FOLH1: variants seen among roughly 807,000 people sequenced by gnomAD.
The protein encoded by FOLH1 is glutamate carboxypeptidase 2.
In FOLH1, 54 loss-of-function variants were observed where a neutral mutation model predicts 93.9. That is an observed-to-expected ratio of 0.57 (90% CI 0.46 to 0.72). The LOEUF (loss-of-function observed/expected upper bound fraction) is 0.72. Among genes scored for constraint, FOLH1 ranks in the 30% least tolerant of loss-of-function variants. The pLI, the probability that FOLH1 is intolerant of heterozygous loss-of-function variation, is 0.00. For synonymous variants in FOLH1, 249 were observed against 303.6 expected (o/e 0.82, Z 1.87); for missense variants, 571 against 892.5 (o/e 0.64, Z 4.59).
At chr11:49,185,980 C>T (rs983104665) in intron 5 of FOLH1, 125 bp from the exon 6 acceptor site, 26 of 1,231,616 alleles carry the variant, frequency 2.1e-5, no homozygotes, top group Non-Finnish European at 2.8e-5. Flanking sequence ...CTCATTAGGC[C>T]TACAACAAAG....
chr11:49,200,235 T>C lies in FOLH1; in HGVS notation c.411+20A>G. ...ATAAATGGGGGGAATGTTTCTTTTA[T>C]TTATTTATTTATTTTTTACCTCATT... On this transcript the variant is annotated intron_variant, in intron 3 of 18. Transcript: ENST00000256999. 1 of 1,476,788 alleles carries C rather than the reference T, an allele frequency of 6.8e-7. No homozygotes were observed. Among genetic ancestry groups the C allele is most frequent in the South Asian group, 1.4e-5 (1 of 74,056 alleles). The allele number at this position is 1,476,788 out of a possible 1,614,324, so 91.5% of individuals were successfully genotyped here. A position where few individuals can be genotyped will look rare whatever the true frequency, so the allele number is the denominator to read the frequency against.
At chr11:49,186,308 T>C (rs1236464741) in intron 5 of FOLH1, among the ~76,000 whole-genome samples, 2 of 152,226 alleles carry the variant, frequency 1.3e-5, no homozygotes, top group Non-Finnish European at 2.9e-5. Context: ...ACAATTTAAT[T>C]TAGTAAACAT....
intron 9 of FOLH1, 111 bp from the exon 10 acceptor site, chr11:49,173,587 A>G: frequency 8.4e-7 from 1 of 1,189,814 alleles, no homozygotes; most frequent in Non-Finnish European, 1.1e-6. Context: ...GAAAAAAAAA[A>G]AAGGCTAGGT....
intron 4 of FOLH1, among the ~76,000 whole-genome samples, chr11:49,187,958 T>C (rs1279980311): frequency 6.6e-6 from 1 of 152,198 alleles, no homozygotes; most frequent in Non-Finnish European, 1.5e-5. Context: ...AGGCTATCCT[T>C]CAGCTGGCAT....
chr11:49,181,140 C>A (rs1019212234), intron 7 of FOLH1, among the ~76,000 whole-genome samples: 3 of 146,580 alleles, frequency 2.0e-5, no homozygotes, highest in African/African-American at 7.6e-5. Context: ...CGGAGTCTCA[C>A]TCTGTCGCCC....
intron 18 of FOLH1, among the ~76,000 whole-genome samples, chr11:49,147,517 A>C (rs1245783724): frequency 1.3e-5 from 2 of 152,134 alleles, no homozygotes; most frequent in African/African-American, 2.4e-5. Context: ...TTGAAGAATC[A>C]TCAAAAACAA....
intron 4 of FOLH1, among the ~76,000 whole-genome samples, chr11:49,189,462 C>G (rs1205490281): frequency 6.6e-6 from 1 of 152,104 alleles, no homozygotes; most frequent in Non-Finnish European, 1.5e-5. Context: ...AGGCAGTGCC[C>G]TATGTAATAC....
chr11:49,208,391 C>A lies in FOLH1; in HGVS notation c.19G>T (p.Glu7Ter). ...GCGGTGGCCACAGCCGAGTCGGTTT[C>A]GTGAAGGAGATTCCACATCTCGGCG... MWNLLH[E>*]TDSAVATARR... Residue 7 changes from glutamate (E) to a stop codon, truncating the protein, a stop_gained, in exon 1 of 19, where the codon GAA (glutamate) becomes TAA (stop). Coordinates refer to ENST00000256999, the MANE Select transcript of FOLH1 (RefSeq NM_004476.3). LOFTEE classifies it high-confidence loss of function. 6.2e-7 allele frequency: 1 copy of A among 1,601,990 alleles called. No homozygotes were observed. Among genetic ancestry groups the A allele is most frequent in the Non-Finnish European group, 8.5e-7 (1 of 1,172,876 alleles).
At chr11:49,196,908 G>A (rs1590674657) in intron 3 of FOLH1, among the ~76,000 whole-genome samples, 1 of 152,086 alleles carries the variant, frequency 6.6e-6, no homozygotes, top group Admixed American at 6.5e-5. Context: ...CAAATGGGAG[G>A]GATTTGGAGA....
At chr11:49,205,558 A>G (rs1273704077) in intron 2 of FOLH1, among the ~76,000 whole-genome samples, 3 of 152,210 alleles carry the variant, frequency 2.0e-5, no homozygotes, top group Non-Finnish European at 4.4e-5. Context: ...TTTTTAACTG[A>G]AATGCAATAT....
intron 5 of FOLH1, 135 bp downstream of exon 5, chr11:49,186,509 G>A: frequency 9.5e-7 from 1 of 1,054,360 alleles, no homozygotes; most frequent in Non-Finnish European, 1.3e-6. Flanking sequence ...TGTCCTCTCT[G>A]TAAGGTGGGC....
intron 4 of FOLH1, among the ~76,000 whole-genome samples, chr11:49,189,048 A>G (rs966599218): frequency 4.6e-5 from 7 of 152,174 alleles, no homozygotes; most frequent in African/African-American, 1.7e-4. Context: ...AGCCCCAGAG[A>G]TTTTTACAAC....
intron 3 of FOLH1, among the ~76,000 whole-genome samples, chr11:49,194,679 C>T (rs1310984824): frequency 4.0e-5 from 6 of 151,674 alleles, no homozygotes; most frequent in Admixed American, 1.3e-4. Flanking sequence ...AATTAAAAAG[C>T]GTAGCATGTC....
chr11:49,171,970 A>G (rs1859368121), intron 10 of FOLH1, among the ~76,000 whole-genome samples: 1 of 152,270 alleles, frequency 6.6e-6, no homozygotes, highest in South Asian at 2.1e-4. Context: ...GAGAGTAAAG[A>G]TGAAGACACC....
chr11:49,165,744 G>C (rs546210571), intron 12 of FOLH1, among the ~76,000 whole-genome samples: 17 of 152,330 alleles, frequency 1.1e-4, no homozygotes, highest in African/African-American at 3.6e-4. Flanking sequence ...ATCCATGTTT[G>C]AGAACAGCAA....
rs182169 is a variant in FOLH1, at chr11:49,185,763, A to G, written c.732T>C (p.Asp244=). 471,529 of 1,577,418 alleles carry G rather than the reference A, an allele frequency of 0.3. 77,425 individuals are homozygous for G. The highest frequency in any genetic ancestry group is 0.54 in the African/African-American group (40,083 of 73,740). ...YFAPGVKSYP[D]GWNLPGGGVQ... Reference sequence around the variant, plus strand: ...CACCACCTCCAGGAAGATTCCAACCATCTGGATAGGACTTCACCCCAGGAG... The same window carrying G: ...CACCACCTCCAGGAAGATTCCAACCGTCTGGATAGGACTTCACCCCAGGAG... The change falls in exon 6 of 19, where the codon GAT becomes GAC. Residue 244 remains aspartate (D), a synonymous_variant. Transcript: ENST00000256999.
chr11:49,148,070 C>T (rs187707891), intron 18 of FOLH1, among the ~76,000 whole-genome samples: 115 of 152,148 alleles, frequency 7.6e-4, no homozygotes, highest in Non-Finnish European at 1.2e-3. Flanking sequence ...CCATTTCTGG[C>T]TGTCCAATGA....
At chr11:49,197,905 G>A (rs1394607490) in intron 3 of FOLH1, among the ~76,000 whole-genome samples, 1 of 152,074 alleles carries the variant, frequency 6.6e-6, no homozygotes, top group Non-Finnish European at 1.5e-5. Context: ...GAGGAAAATA[G>A]AGAAAAAGCA....
Position 49,208,300 on chromosome 11 carries a change from A to T in FOLH1, c.110T>A (p.Phe37Tyr). ...VLAGGFFLLG[F>Y]LFGWFIKSSN... ...GCGAGGCGCCCCCCTACCGAAGAGG[A>T]AGCCGAGGAGAAAGAAGCCACCCGC... Residue 37 changes from phenylalanine to tyrosine, a missense_variant, in exon 1 of 19, where the codon TTC becomes TAC. Physicochemically the swap from Phe to Tyr is conservative, Grantham distance 22. This residue lies in a region of FOLH1 where 71 missense variants were observed against 69.6 expected (regional missense o/e 1.02). Coordinates refer to ENST00000256999, the MANE Select transcript of FOLH1 (RefSeq NM_004476.3). The T allele has an allele frequency of 6.4e-7, 1 of 1,563,318 alleles. No homozygotes were observed.
Sources: allele counts gnomAD v4.1 joint callset (sites outside exome capture counted in the v4.1 genomes callset), GRCh38; gene constraint gnomAD v4.1.1; regional missense constraint gnomAD v4.1.1; transcripts MANE v1.5; gene names NCBI Gene and HGNC (gene_info 2026-07-23, HGNC 2026-07-21).